Variants in CDC14A observed in about 807,000 individuals in gnomAD.
The protein encoded by CDC14A is cell division cycle 14A, also known as dual specificity protein phosphatase CDC14A.
A neutral mutation model predicts 74.4 loss-of-function variants in CDC14A; 53 were observed. The observed-to-expected ratio is 0.71, with a 90% CI of 0.57 to 0.89. CDC14A has a LOEUF of 0.89. Among genes scored for constraint, CDC14A ranks in the 40% least tolerant of loss-of-function variants. CDC14A has a pLI of 0.00. For missense variants in CDC14A, 646 were observed against 713.7 expected (o/e 0.91, Z 1.08); for synonymous variants, 247 against 258.4 (o/e 0.96, Z 0.43).
intron 8 of CDC14A, among the ~76,000 whole-genome samples, chr1:100,455,989 T>G (rs1223029192): frequency 1.3e-5 from 2 of 152,228 alleles, no homozygotes; most frequent in Non-Finnish European, 2.9e-5. Flanking sequence ...ATACAGATAT[T>G]GTTATCTGCA....
At chr1:100,458,707 A>G (rs1343148850) in intron 8 of CDC14A, among the ~76,000 whole-genome samples, 1 of 149,766 alleles carries the variant, frequency 6.7e-6, no homozygotes, top group East Asian at 1.9e-4. Flanking sequence ...TTTTTTTTGA[A>G]TTGAGAAACC....
At chr1:100,495,932 A>G (rs1054664299) in intron 12 of CDC14A, 70 bp from the exon 13 acceptor site, 3 of 1,248,070 alleles carry the variant, frequency 2.4e-6, no homozygotes, top group South Asian at 1.2e-5. Context: ...ATACCATTTG[A>G]TGTGCCTTGT....
intron 2 of CDC14A, among the ~76,000 whole-genome samples, chr1:100,359,429 T>C (rs1322717075): frequency 6.6e-6 from 1 of 152,082 alleles, no homozygotes; most frequent in African/African-American, 2.4e-5. Flanking sequence ...CTGATGCCAA[T>C]GGGGAGGGTA....
At chr1:100,435,006 A>C (rs957728650) in intron 5 of CDC14A, among the ~76,000 whole-genome samples, 2 of 152,210 alleles carry the variant, frequency 1.3e-5, no homozygotes, top group African/African-American at 4.8e-5. Flanking sequence ...GCAAATTCTC[A>C]GGCCCTGCCT....
chr1:100,434,201 C>T (rs1234618877), intron 5 of CDC14A, among the ~76,000 whole-genome samples: 1 of 152,082 alleles, frequency 6.6e-6, no homozygotes, highest in African/African-American at 2.4e-5. Context: ...GTTCAGTTGA[C>T]TAGTATGCCA....
intron 5 of CDC14A, among the ~76,000 whole-genome samples, chr1:100,430,877 G>A (rs964225743): frequency 4.6e-5 from 7 of 151,998 alleles, no homozygotes; most frequent in Non-Finnish European, 1.0e-4. Flanking sequence ...ACTTTTCCTC[G>A]CTGTTTCTCA....
chr1:100,442,796 A>G lies in CDC14A; in HGVS notation c.457-138A>G, dbSNP rs1011111708. 3 of 632,774 alleles carry G rather than the reference A, an allele frequency of 4.7e-6. No homozygotes were observed. The African/African-American group carries it at 5.7e-5, about 12-fold the overall frequency. The allele number at this position is 632,774 out of a possible 1,614,324, so 39.2% of individuals were successfully genotyped here. Reference sequence around the variant, plus strand: ...TAACCAGTTTTATAAAAAGATTTCTAGATATGCATTAAACATCAAAGGTTT... The same window carrying G: ...TAACCAGTTTTATAAAAAGATTTCTGGATATGCATTAAACATCAAAGGTTT... On this transcript the variant is annotated intron_variant, in intron 6 of 15. Coordinates refer to ENST00000336454, the MANE Select transcript of CDC14A (RefSeq NM_003672.4).
intron 4 of CDC14A, among the ~76,000 whole-genome samples, chr1:100,411,371 T>C (rs1660683412): frequency 6.6e-6 from 1 of 152,212 alleles, no homozygotes; most frequent in Admixed American, 6.5e-5. Context: ...GTTCCATCTC[T>C]TTCTCCTTCC....
intron 2 of CDC14A, among the ~76,000 whole-genome samples, chr1:100,355,891 G>A (rs1651810530): frequency 6.6e-6 from 1 of 152,230 alleles, no homozygotes; most frequent in South Asian, 2.1e-4. Flanking sequence ...CAACCTCTAT[G>A]CTAGGAGAGG....
At chr1:100,357,666 C>T (rs1017953816) in intron 2 of CDC14A, among the ~76,000 whole-genome samples, 7 of 150,418 alleles carry the variant, frequency 4.7e-5, no homozygotes, top group African/African-American at 1.5e-4. Context: ...GAGGCTGAGG[C>T]GACAGGATTG....
At chr1:100,400,637 G>A (rs1659130138) in intron 4 of CDC14A, among the ~76,000 whole-genome samples, 1 of 152,070 alleles carries the variant, frequency 6.6e-6, no homozygotes, top group Admixed American at 6.5e-5. Flanking sequence ...TATCTTTGTA[G>A]GCTTGTATTT....
intron 4 of CDC14A, among the ~76,000 whole-genome samples, chr1:100,420,082 A>ATATATATATATATATATGT (rs58124351): frequency 5.7e-4 from 60 of 105,490 alleles, no homozygotes; most frequent in African/African-American, 1.9e-3. Context: ...ATATATATAT[A>ATATATATATATATATATGT]GTGTGTATGT....
intron 10 of CDC14A, among the ~76,000 whole-genome samples, chr1:100,476,741 T>A (rs2101315143): frequency 6.6e-6 from 1 of 152,304 alleles, no homozygotes; most frequent in Middle Eastern, 3.4e-3. Context: ...CTGCCTATAA[T>A]TTTCGGCATG....
intron 1 of CDC14A, among the ~76,000 whole-genome samples, chr1:100,353,350 C>T (rs1651391908): frequency 1.3e-5 from 2 of 152,156 alleles, no homozygotes; most frequent in South Asian, 4.1e-4. Context: ...TTCGGGACAC[C>T]CCCAACCACA....
intron 2 of CDC14A, among the ~76,000 whole-genome samples, chr1:100,361,499 G>A (rs1474262065): frequency 2.0e-5 from 3 of 152,192 alleles, no homozygotes; most frequent in African/African-American, 7.2e-5. Context: ...AGTACTACCT[G>A]TTTTTGCTCA....
intron 7 of CDC14A, among the ~76,000 whole-genome samples, chr1:100,446,957 C>T (rs116768221): frequency 0.012 from 1,886 of 152,310 alleles, 40 homozygotes; most frequent in African/African-American, 0.043. Flanking sequence ...CCTTGTCTTT[C>T]CAAAGTCCTG....
rs186170238 is a variant in CDC14A at position 100,427,531 on chromosome 1, C to T, written c.389+3230C>T. On this transcript the variant is annotated intron_variant, in intron 5 of 15. Coordinates refer to ENST00000336454, the MANE Select transcript of CDC14A (RefSeq NM_003672.4). ...TTTTTCTGGAGAGGCTTGGCAGGTC[C>T]TTTGCCTGTGATTCCCTATTACATT... Among the ~76,000 whole-genome samples the T allele has an allele frequency of 1.3e-3, 201 of 152,270 alleles. 1 individual carries two copies. The highest frequency in any genetic ancestry group is 4.8e-3 in the African/African-American group (198 of 41,552).
chr1:100,393,928 C>T lies in CDC14A; in HGVS notation c.309+3104C>T, dbSNP rs554793936. 5.9e-5 allele frequency: 13 copies of T among 218,744 alleles called. No individual in the cohort carries two copies. The South Asian group carries it at 7.0e-4, about 12-fold the overall frequency. 13.6% of individuals were successfully genotyped at this position (218,744 alleles called of 1,614,324 possible). On this transcript the variant is annotated intron_variant, in intron 4 of 15. Coordinates refer to ENST00000336454, the MANE Select transcript of CDC14A (RefSeq NM_003672.4). The stretch of plus-strand genomic sequence containing the variant: ...ACTGCACTCCAGCCTGGCTACCCAG[C>T]GAGACTCTGTTCCCCCTCCCCACCG...
At chr1:100,378,218 G>T (rs1055694578) in intron 3 of CDC14A, among the ~76,000 whole-genome samples, 1 of 152,048 alleles carries the variant, frequency 6.6e-6, no homozygotes, top group East Asian at 1.9e-4. Context: ...GTACTTTTAT[G>T]TGGATTTTGG....
Sources: gnomAD v4.1 joint callset for allele counts (sites outside exome capture counted in the v4.1 genomes callset) on GRCh38, gnomAD v4.1.1 for gene constraint, MANE v1.5 for transcripts, NCBI Gene and HGNC (gene_info 2026-07-23, HGNC 2026-07-21) for gene names.